The following ASXL1 variants were observed in gnomAD, a reference collection of about 807,000 sequenced individuals.
ASXL1 encodes polycomb group protein ASXL1.
Under a neutral mutation model 89.1 loss-of-function variants are expected in ASXL1, and 65 were observed. That is an observed-to-expected ratio of 0.73 (90% CI 0.60 to 0.90). The LOEUF is 0.90. Ranked by LOEUF, ASXL1 falls within the 40% of genes least tolerant of loss-of-function variation. The pLI is 0.00. For missense variants in ASXL1, 1,786 were observed against 1,942.9 expected, an observed-to-expected ratio of 0.92 and a Z score of 1.52; for synonymous variants, 739 against 746.9, an observed-to-expected ratio of 0.99 and a Z score of 0.17.
chr20:32,408,871 GTTA>G (rs1474626640), intron 4 of ASXL1, among the ~76,000 whole-genome samples: 2 of 152,076 alleles, frequency 1.3e-5, no homozygotes, highest in East Asian at 3.9e-4. Context: ...ATAATCTCCA[GTTA>G]TTATCATCTT....
At chr20:32,431,201 C>T in intron 8 of ASXL1, 120 bp from the exon 9 acceptor site, 2 of 1,178,538 alleles carry the variant, frequency 1.7e-6, no homozygotes, top group Non-Finnish European at 2.5e-6. Context: ...GACAATTGAG[C>T]AGATTGTGTG....
At position 32,434,591 on chromosome 20, in the gene ASXL1, G is replaced by T. The variant is rs2011666508; in HGVS notation, c.1879G>T (p.Ala627Ser). ...AGCCCGTGCTCTGCAGGTCCGAGGG[G>T]CGAGAGGTCACCACTGCCATAGAGA... ...IKARALQVRGARGHHCHREAA... is the reference protein window; with the variant it reads ...IKARALQVRGSRGHHCHREAA... Residue 627 changes from alanine to serine, a missense_variant, in exon 13 of 13, where the codon GCG (alanine) becomes TCG (serine). Ala to Ser is a moderately conservative substitution (Grantham distance 99, BLOSUM62 1). Transcript: ENST00000375687. 1 of 1,613,142 alleles carries T rather than the reference G, an allele frequency of 6.2e-7. No individual in the cohort carries two copies. The highest frequency in any genetic ancestry group is 8.5e-7 in the Non-Finnish European group (1 of 1,179,910).
rs2123252129 is a variant in ASXL1 at position 32,433,300 on chromosome 20, G to C, written c.1102G>C (p.Glu368Gln). Reference sequence around the variant, plus strand: ...GATTTGCAGGCTGGGTTTGACCAAAGAAGAGTCATTGCAGCAGAACGTGGG... The same window carrying C: ...GATTTGCAGGCTGGGTTTGACCAAACAAGAGTCATTGCAGCAGAACGTGGG... ...YYGQKLGLTK[E>Q]ESLQQNVGQE... The change falls in exon 12 of 13, where the codon GAA (glutamate) becomes CAA (glutamine). Residue 368 changes from glutamate to glutamine, a missense_variant. Physicochemically the swap from Glu to Gln is conservative, Grantham distance 29 (BLOSUM62 2). This residue lies in a region of ASXL1 where 1,418 missense variants were observed against 1,427.8 expected (regional missense o/e 0.99). Transcript: ENST00000375687. 2 of 1,614,158 alleles carry C rather than the reference G, an allele frequency of 1.2e-6. No homozygotes were observed. Among genetic ancestry groups the C allele is most frequent in the Non-Finnish European group, 1.7e-6 (2 of 1,180,036 alleles).
rs564905907 is a variant in ASXL1, at chr20:32,414,085, G to A, written c.253-14043G>A. Among the ~76,000 whole-genome samples the A allele has an allele frequency of 1.9e-4, 29 of 152,082 alleles. No individual in the cohort carries two copies. In the East Asian group the frequency reaches 1.9e-3, roughly 10 times the overall value. On this transcript the variant is annotated intron_variant, in intron 4 of 12. Coordinates refer to ENST00000375687, the MANE Select transcript of ASXL1 (RefSeq NM_015338.6). ...TGGATATCGTGTGTTTTTTTTGACC[G>A]GAAGATTTTAGGATCTGTTTCTCTC...
chr20:32,394,357 C>T (rs576296770), intron 4 of ASXL1, among the ~76,000 whole-genome samples: 58 of 152,118 alleles, frequency 3.8e-4, no homozygotes, highest in African/African-American at 1.4e-3. Context: ...AAGCAGGTCT[C>T]GAATTCCTGA....
intron 8 of ASXL1, chr20:32,430,912 AC>A (rs1569320049): frequency 1.1e-5 from 5 of 436,616 alleles, no homozygotes; most frequent in Non-Finnish European, 2.2e-5. Flanking sequence ...CAGCCCATTC[AC>A]AGAAGGCTTC....
At chr20:32,434,017 G>A in intron 12 of ASXL1, 100 bp downstream of exon 12, 1 of 1,517,668 alleles carries the variant, frequency 6.6e-7, no homozygotes, top group Non-Finnish European at 9.1e-7. Flanking sequence ...AGTTAATTAT[G>A]TGGGAATGTA....
At chr20:32,419,432 G>A (rs2049200056) in intron 4 of ASXL1, among the ~76,000 whole-genome samples, 1 of 151,454 alleles carries the variant, frequency 6.6e-6, no homozygotes, top group Non-Finnish European at 1.5e-5. Context: ...TTGAACTCTT[G>A]GGCTCAAGTG....
Position 32,401,561 on chromosome 20 carries a change from C to CCT in ASXL1, c.253-26567_253-26566insCT, listed in dbSNP as rs796953849. ...GTGTGTGTGTTTTTTCCCCCCCCCCCTTTTTTTTTTTGAGACGGAGTCTCA... is the reference window on the plus strand; with the variant it reads ...GTGTGTGTGTTTTTTCCCCCCCCCCCCTTTTTTTTTTTTGAGACGGAGTCTCA... On this transcript the variant is annotated intron_variant, in intron 4 of 12. Coordinates refer to ENST00000375687, the MANE Select transcript of ASXL1 (RefSeq NM_015338.6). Among the ~76,000 whole-genome samples, 203 of 137,908 alleles carry CCT rather than the reference C, an allele frequency of 1.5e-3. 1 individual carries two copies. Among genetic ancestry groups the CCT allele is most frequent in the African/African-American group, 5.0e-3 (173 of 34,720 alleles). 90.5% of individuals were successfully genotyped at this position (137,908 alleles called of 152,430 possible). A position where few individuals can be genotyped will look rare whatever the true frequency, so the allele number is the denominator to read the frequency against.
At chr20:32,397,399 CT>C (rs1199602381) in intron 4 of ASXL1, among the ~76,000 whole-genome samples, 23 of 96,652 alleles carry the variant, frequency 2.4e-4, no homozygotes, top group Admixed American at 5.6e-4. Context: ...CACTCCTGGC[CT>C]TTTTTTTTTT....
chr20:32,428,379 G>T lies in ASXL1; in HGVS notation c.428G>T (p.Arg143Leu), dbSNP rs144437064. The T allele has an allele frequency of 2.5e-6, 4 of 1,613,982 alleles. No individual in the cohort carries two copies. Among genetic ancestry groups the T allele is most frequent in the Admixed American group, 1.7e-5 (1 of 59,992 alleles). Residue 143 changes from arginine to leucine, a missense_variant, in exon 6 of 13, where the codon CGA becomes CTA. Around this residue, in one of 3 missense-constraint regions of ASXL1, gnomAD observed 332 missense variants for 449.7 expected, o/e 0.74. Transcript: ENST00000375687. ...NASCSTESQS[R>L]PLSNPRDSYR... ...TCCTGTTCTACAGAATCTCAGAGTC[G>T]ACCTCTTTCCAATCCCAGGGACAGC... is the stretch of plus-strand genomic sequence containing the variant.
chr20:32,396,458 TG>T (rs1234229331), intron 4 of ASXL1, among the ~76,000 whole-genome samples: 1 of 152,210 alleles, frequency 6.6e-6, no homozygotes, highest in African/African-American at 2.4e-5. Flanking sequence ...TGTTTATTTT[TG>T]TAAGGGTATA....
chr20:32,423,302 T>C (rs1186995984), intron 4 of ASXL1, among the ~76,000 whole-genome samples: 1 of 152,034 alleles, frequency 6.6e-6, no homozygotes, highest in Non-Finnish European at 1.5e-5. Flanking sequence ...TGATCTCAGC[T>C]CACTGCAACC....
chr20:32,365,961 C>A (rs1019922192), intron 1 of ASXL1, among the ~76,000 whole-genome samples: 2 of 151,914 alleles, frequency 1.3e-5, no homozygotes, highest in Non-Finnish European at 2.9e-5. Context: ...CTAGTCTCTA[C>A]TAAAATACAA....
At chr20:32,371,987 G>A (rs2048307516) in intron 4 of ASXL1, 4 of 526,334 alleles carry the variant, frequency 7.6e-6, no homozygotes, top group South Asian at 5.8e-5. Context: ...TTACAAATAT[G>A]CCTGTTAATG....
Position 32,358,423 on chromosome 20 carries a change from G to C in ASXL1, c.-353G>C. ...GCCCTCCCGCCCCGCCGTCGGTCCT[G>C]TCTCAGTCCCTCAGCAGAGCGGGAA... On this transcript the variant is annotated 5_prime_UTR_variant, in exon 1 of 13. Transcript: ENST00000375687. The C allele has an allele frequency of 4.3e-6, 1 of 233,414 alleles. No individual in the cohort carries two copies. The highest frequency in any genetic ancestry group is 8.4e-6 in the Non-Finnish European group (1 of 118,682). 14.5% of individuals were successfully genotyped at this position (233,414 alleles called of 1,614,324 possible).
intron 4 of ASXL1, among the ~76,000 whole-genome samples, chr20:32,423,332 C>G (rs1376781891): frequency 6.6e-6 from 1 of 151,622 alleles, no homozygotes; most frequent in Non-Finnish European, 1.5e-5. Flanking sequence ...CAGGTTCAAG[C>G]GATTCTTGTG....
At position 32,437,616 on chromosome 20, in the gene ASXL1, G is replaced by A. The variant is rs75599685; in HGVS notation, c.*278G>A. On this transcript the variant is annotated 3_prime_UTR_variant, in exon 13 of 13. Transcript: ENST00000375687. ...CTGATGTGGCACGGAGTGGGGTTGC[G>A]GGGGGTGGGGGGACTGCCTGACTCC... 8.2e-3 allele frequency: 4,013 copies of A among 490,726 alleles called. 185 individuals are homozygous for A. In the Admixed American group the frequency reaches 0.083, roughly 10 times the overall value. 30.4% of individuals were successfully genotyped at this position (490,726 alleles called of 1,614,324 possible).
chr20:32,392,966 A>G (rs186522017), intron 4 of ASXL1, among the ~76,000 whole-genome samples: 5 of 152,348 alleles, frequency 3.3e-5, no homozygotes, highest in Admixed American at 2.6e-4. Context: ...AGAGCATTCT[A>G]TTAATGTTGA....
Sources: allele counts gnomAD v4.1 joint callset (sites outside exome capture counted in the v4.1 genomes callset), GRCh38; gene constraint gnomAD v4.1.1; regional missense constraint gnomAD v4.1.1; transcripts MANE v1.5; gene names NCBI Gene and HGNC (gene_info 2026-07-23, HGNC 2026-07-21).